The following CDC25C variants were observed in gnomAD, a reference collection of about 807,000 sequenced individuals.
CDC25C encodes the protein cell division cycle 25C.
In CDC25C, 48 loss-of-function variants were observed where a neutral mutation model predicts 52.5. That is an observed-to-expected ratio of 0.91 (90% CI 0.72 to 1.16). The LOEUF is 1.16. Among genes scored for constraint, CDC25C ranks in the 50% most tolerant of loss-of-function variants. CDC25C has a pLI of 0.00. For missense variants in CDC25C, 510 were observed against 566.1 expected, an observed-to-expected ratio of 0.90 and a Z score of 1.01; for synonymous variants, 187 against 206.5, an observed-to-expected ratio of 0.91 and a Z score of 0.81.
intron 7 of CDC25C, among the ~76,000 whole-genome samples, chr5:138,311,215 G>A (rs1267193483): frequency 6.6e-6 from 1 of 152,094 alleles, no homozygotes; most frequent in East Asian, 1.9e-4. Context: ...CAAAGTTAAA[G>A]CCTTCTCTTA....
Position 138,328,482 on chromosome 5 carries a change from A to C in CDC25C, c.335+2T>G. 1.2e-6 allele frequency: 2 copies of C among 1,613,518 alleles called. No homozygotes were observed. Among genetic ancestry groups the C allele is most frequent in the Non-Finnish European group, 1.7e-6 (2 of 1,179,426 alleles). ...TGGGGTTCATTTAACAACAGAACTT[A>C]CATCCCAGCTAAATGCACTTCCTGA... On this transcript the variant is annotated splice_donor_variant, in intron 4 of 13. Transcript: ENST00000323760. LOFTEE classifies it high-confidence loss of function.
intron 2 of CDC25C, among the ~76,000 whole-genome samples, chr5:138,330,349 G>C (rs560390954): frequency 6.6e-6 from 1 of 152,022 alleles, no homozygotes; most frequent in Non-Finnish European, 1.5e-5. Flanking sequence ...TTGAGACATG[G>C]TATGATCAGA....
At chr5:138,298,039 T>C (rs1040116794) in intron 7 of CDC25C, among the ~76,000 whole-genome samples, 1 of 150,874 alleles carries the variant, frequency 6.6e-6, no homozygotes, top group African/African-American at 2.4e-5. Flanking sequence ...CACTCTCTCA[T>C]CCAGGCTGGA....
upstream of CDC25C, among the ~76,000 whole-genome samples, chr5:138,335,767 G>C (rs1200129594): frequency 7.6e-6 from 1 of 132,094 alleles, no homozygotes; most frequent in Non-Finnish European, 1.7e-5. Flanking sequence ...TGACTTGCAG[G>C]GTTTTTTTTT....
At chr5:138,307,348 T>C (rs1227675574) in intron 7 of CDC25C, among the ~76,000 whole-genome samples, 1 of 150,918 alleles carries the variant, frequency 6.6e-6, no homozygotes, top group Non-Finnish European at 1.5e-5. Flanking sequence ...AAAAATTAGC[T>C]TGGCATGGTT....
intron 9 of CDC25C, 87 bp from the exon 10 acceptor site, chr5:138,289,650 G>T: frequency 8.9e-7 from 1 of 1,125,188 alleles, no homozygotes; most frequent in Non-Finnish European, 1.3e-6. Context: ...TTCTTTCCAA[G>T]TGACCCTTAA....
intron 6 of CDC25C, among the ~76,000 whole-genome samples, chr5:138,319,894 G>A (rs1419288710): frequency 6.6e-6 from 1 of 152,212 alleles, no homozygotes; most frequent in African/African-American, 2.4e-5. Flanking sequence ...CATTGCTGGT[G>A]GGAATGTAAA....
At chr5:138,321,012 C>T (rs895205198) in intron 6 of CDC25C, among the ~76,000 whole-genome samples, 3 of 147,946 alleles carry the variant, frequency 2.0e-5, no homozygotes, top group Middle Eastern at 3.3e-3. Flanking sequence ...GGAGAATAAT[C>T]AGAGCCCGGG....
intron 10 of CDC25C, among the ~76,000 whole-genome samples, chr5:138,287,673 G>A (rs1756366795): frequency 6.6e-6 from 1 of 152,198 alleles, no homozygotes; most frequent in African/African-American, 2.4e-5. Flanking sequence ...TTCAGGAAAG[G>A]ATATGGAAGG....
At chr5:138,326,748 G>A (rs949677745) in intron 4 of CDC25C, among the ~76,000 whole-genome samples, 3 of 152,014 alleles carry the variant, frequency 2.0e-5, no homozygotes, top group South Asian at 2.1e-4. Context: ...GAGGTTGGGA[G>A]TTCGCAACCA....
chr5:138,292,505 A>AT lies in CDC25C; in HGVS notation c.616-390dup, dbSNP rs1455261611. Among the ~76,000 whole-genome samples, 5 of 147,828 alleles carry AT rather than the reference A, an allele frequency of 3.4e-5. No individual in the cohort carries two copies. The East Asian group carries it at 9.9e-4, about 29-fold the overall frequency. ...CAAAAAAAAAAAAAAAAAAAAAAAC[A>AT]TAAGTCCATTTTGTCTCTGGGATCC... On this transcript the variant is annotated intron_variant, in intron 7 of 13. Transcript: ENST00000323760.
chr5:138,286,357 T>C, intron 12 of CDC25C, 140 bp downstream of exon 12: 1 of 1,027,470 alleles, frequency 9.7e-7, no homozygotes, highest in Non-Finnish European at 1.4e-6. Context: ...TTCAAACTTT[T>C]CAATTTTAGA....
chr5:138,319,155 G>T, intron 7 of CDC25C, 64 bp downstream of exon 7: 1 of 1,403,348 alleles, frequency 7.1e-7, no homozygotes, highest in Non-Finnish European at 9.8e-7. Context: ...AATTTGTCTA[G>T]TTCTTCTTTT....
chr5:138,310,266 T>G (rs1353332431), intron 7 of CDC25C, among the ~76,000 whole-genome samples: 1 of 152,204 alleles, frequency 6.6e-6, no homozygotes, highest in South Asian at 2.1e-4. Flanking sequence ...CAGAACATTC[T>G]TGTAGGAAGA....
chr5:138,338,182 C>G (rs1452502835), exon 1 of CDC25C: 1 of 1,288,678 alleles, frequency 7.8e-7, no homozygotes, highest in Non-Finnish European at 1.0e-6. Flanking sequence ...TTCTGCGAGC[C>G]GGAGCTGTCC....
chr5:138,324,203 A>T (rs1580806269), intron 6 of CDC25C, among the ~76,000 whole-genome samples: 1 of 152,186 alleles, frequency 6.6e-6, no homozygotes, highest in East Asian at 1.9e-4. Context: ...CCAGGGAGGC[A>T]GCGGTTGCAG....
In CDC25C at chr5:138,292,032, C is replaced by T. The variant is rs762801188; in HGVS notation, c.700G>A (p.Asp234Asn). The T allele has an allele frequency of 1.5e-5, 24 of 1,613,474 alleles. No homozygotes were observed. Among genetic ancestry groups the T allele is most frequent in the Non-Finnish European group, 1.9e-5 (23 of 1,179,718 alleles). The change falls in exon 8 of 14, where the codon GAC becomes AAC. Residue 234 changes from aspartate (D) to asparagine (N), a missense_variant. Physicochemically the swap from Asp to Asn is conservative, Grantham distance 23. Coordinates refer to ENST00000323760, the MANE Select transcript of CDC25C (RefSeq NM_001790.5). ...PRLKQVEKFK[D>N]NTIPDKVKKK... ...TTAACTTTATCTGGTATTGTGTTGTCCTTGAATTTTTCCACCTGCTTCAGT... is the reference window on the plus strand; with the variant it reads ...TTAACTTTATCTGGTATTGTGTTGTTCTTGAATTTTTCCACCTGCTTCAGT...
chr5:138,308,687 G>A (rs192907239), intron 7 of CDC25C, among the ~76,000 whole-genome samples: 186 of 152,116 alleles, frequency 1.2e-3, no homozygotes, highest in Admixed American at 1.9e-3. Context: ...GCCTTCTTCA[G>A]ATTGTATCTT....
In CDC25C at chr5:138,331,202, AG is replaced by A; in HGVS notation, c.-23del. ...ACATGGTCTTCGAATTCTCACCAGG[AG>A]AAAAACAAAACCTAGCTAGGAGGAA... is the stretch of plus-strand genomic sequence containing the variant. On this transcript the variant is annotated 5_prime_UTR_variant, in exon 2 of 14. Coordinates refer to ENST00000323760, the MANE Select transcript of CDC25C (RefSeq NM_001790.5). 6.2e-7 allele frequency: 1 copy of A among 1,612,344 alleles called. No homozygotes were observed. Among genetic ancestry groups the A allele is most frequent in the Non-Finnish European group, 8.5e-7 (1 of 1,178,550 alleles).
Sources: allele counts gnomAD v4.1 joint callset (sites outside exome capture counted in the v4.1 genomes callset), GRCh38; gene constraint gnomAD v4.1.1; transcripts MANE v1.5; gene names NCBI Gene and HGNC (gene_info 2026-07-23, HGNC 2026-07-21).